The following ROBO1 variants were observed in gnomAD, a reference collection of about 807,000 sequenced individuals.
ROBO1 encodes roundabout homolog 1.
A neutral mutation model predicts 195.9 loss-of-function variants in ROBO1; 149 were observed. The ratio of observed to expected loss-of-function variants is 0.76; its 90% CI spans 0.67 to 0.87. ROBO1 has a LOEUF of 0.87. Ranked by LOEUF, ROBO1 falls within the 40% of genes least tolerant of loss-of-function variation. The pLI is 0.00. For synonymous variants in ROBO1, 816 were observed against 733.2 expected, an observed-to-expected ratio of 1.11 and a Z score of -1.82; for missense variants, 1,933 against 2,068.3, an observed-to-expected ratio of 0.93 and a Z score of 1.27.
chr3:79,682,253 T>A (rs1351547464), intron 1 of ROBO1, among the ~76,000 whole-genome samples: 1 of 151,988 alleles, frequency 6.6e-6, no homozygotes, highest in Non-Finnish European at 1.5e-5. Context: ...AGCTCAAAAT[T>A]TGGCATAATT....
At chr3:78,895,269 A>G (rs2037160930) in intron 4 of ROBO1, among the ~76,000 whole-genome samples, 1 of 152,194 alleles carries the variant, frequency 6.6e-6, no homozygotes, top group South Asian at 2.1e-4. Flanking sequence ...TTGGTCAAAG[A>G]ATAAATGCAG....
intron 2 of ROBO1, among the ~76,000 whole-genome samples, chr3:79,449,343 A>G (rs1259486336): frequency 1.3e-5 from 2 of 152,308 alleles, no homozygotes; most frequent in East Asian, 3.9e-4. Context: ...ATGAAATTGA[A>G]AAAAACACCA....
intron 27 of ROBO1, among the ~76,000 whole-genome samples, chr3:78,615,331 T>C (rs989229012): frequency 6.6e-6 from 1 of 152,198 alleles, no homozygotes; most frequent in Non-Finnish European, 1.5e-5. Flanking sequence ...GAAATTGATC[T>C]AGCTCACATA....
At chr3:79,279,377 GATTA>G (rs1275289031) in intron 2 of ROBO1, among the ~76,000 whole-genome samples, 9 of 152,122 alleles carry the variant, frequency 5.9e-5, no homozygotes, top group African/African-American at 1.2e-4. Flanking sequence ...GCCAACCAAT[GATTA>G]ATTAACATCA....
chr3:79,603,098 G>C (rs1944384993), intron 1 of ROBO1, among the ~76,000 whole-genome samples: 1 of 151,920 alleles, frequency 6.6e-6, no homozygotes, highest in Non-Finnish European at 1.5e-5. Flanking sequence ...GTCATATGTA[G>C]TTTAAGGCCT....
At chr3:78,887,080 T>C (rs2036613610) in intron 4 of ROBO1, among the ~76,000 whole-genome samples, 1 of 152,216 alleles carries the variant, frequency 6.6e-6, no homozygotes. Flanking sequence ...TTGACCACCT[T>C]ATTATGTCAA....
At chr3:79,325,026 AGAATAGTTGAGACT>A (rs1377178792) in intron 2 of ROBO1, among the ~76,000 whole-genome samples, 1 of 152,240 alleles carries the variant, frequency 6.6e-6, no homozygotes, top group African/African-American at 2.4e-5. Flanking sequence ...TTTTAGAGAC[AGAATAGTTGAGACT>A]GATTCTCCGA....
intron 4 of ROBO1, among the ~76,000 whole-genome samples, chr3:78,918,643 G>A (rs1188503608): frequency 6.6e-6 from 1 of 152,048 alleles, no homozygotes; most frequent in Admixed American, 6.6e-5. Context: ...ATAAAAGACT[G>A]GCTCAATTAG....
At chr3:79,183,131 ATTGCTTT>A (rs1304668008) in intron 2 of ROBO1, among the ~76,000 whole-genome samples, 1 of 151,604 alleles carries the variant, frequency 6.6e-6, no homozygotes, top group Non-Finnish European at 1.5e-5. Flanking sequence ...CTTACACACA[ATTGCTTT>A]TTGCTTTTTA....
chr3:79,689,236 T>A (rs1947229586), intron 1 of ROBO1, among the ~76,000 whole-genome samples: 1 of 152,020 alleles, frequency 6.6e-6, no homozygotes, highest in Admixed American at 6.6e-5. Context: ...TAAGTAATTT[T>A]AAAATTAACA....
chr3:78,839,964 A>C (rs1204771781), intron 4 of ROBO1, among the ~76,000 whole-genome samples: 1 of 152,236 alleles, frequency 6.6e-6, no homozygotes, highest in African/African-American at 2.4e-5. Context: ...CGTATTAACT[A>C]AATGATGAAT....
chr3:78,675,453 C>G (rs1166122701), intron 10 of ROBO1, among the ~76,000 whole-genome samples: 1 of 152,136 alleles, frequency 6.6e-6, no homozygotes, highest in African/African-American at 2.4e-5. Flanking sequence ...AAAATCGGGT[C>G]ACTCCCACCC....
intron 2 of ROBO1, among the ~76,000 whole-genome samples, chr3:79,143,126 G>A (rs545293697): frequency 6.6e-6 from 1 of 152,116 alleles, no homozygotes; most frequent in South Asian, 2.1e-4. Flanking sequence ...ACCTAAGAAT[G>A]TGTTCCTCTT....
In ROBO1 at chr3:79,534,014, G is replaced by T. The variant is rs527292732; in HGVS notation, c.88+55810C>A. 5.9e-5 allele frequency among the ~76,000 whole-genome samples: 9 copies of T among 152,038 alleles called. No individual in the cohort carries two copies. In the South Asian group the frequency reaches 6.2e-4, roughly 11 times the overall value. ...AGGTTAGTCCAGTGTGCTCACGAGG[G>T]TCCTTAAATGCAGAAGAGGAAAGCA... On this transcript the variant is annotated intron_variant, in intron 2 of 30. Transcript: ENST00000464233.
chr3:78,901,255 G>C lies in ROBO1; in HGVS notation c.499+37346C>G, dbSNP rs1460654208. On this transcript the variant is annotated intron_variant, in intron 4 of 30. Transcript: ENST00000464233. ...TTATGCCATGACAATCAAGAACACAGCAGATGCCACACCTGCAAATATTAG... is the reference window on the plus strand; with the variant it reads ...TTATGCCATGACAATCAAGAACACACCAGATGCCACACCTGCAAATATTAG... Among the ~76,000 whole-genome samples, 5 of 152,228 alleles carry C rather than the reference G, an allele frequency of 3.3e-5. No homozygotes were observed. In the East Asian group the frequency reaches 9.7e-4, roughly 29 times the overall value.
At chr3:79,174,527 A>T (rs1233246765) in intron 2 of ROBO1, among the ~76,000 whole-genome samples, 1 of 152,146 alleles carries the variant, frequency 6.6e-6, no homozygotes, top group Non-Finnish European at 1.5e-5. Flanking sequence ...CCAATTCCGG[A>T]CACATTACCT....
At chr3:79,637,956 T>C (rs1200072966) in intron 1 of ROBO1, among the ~76,000 whole-genome samples, 4 of 152,212 alleles carry the variant, frequency 2.6e-5, no homozygotes, top group African/African-American at 4.8e-5. Context: ...AAGTGAATGT[T>C]GAGTATTCTC....
chr3:79,760,331 A>T (rs1284995924), intron 1 of ROBO1, among the ~76,000 whole-genome samples: 1 of 148,306 alleles, frequency 6.7e-6, no homozygotes, highest in Admixed American at 6.7e-5. Context: ...CACCATAAAG[A>T]TTGGTTTCCC....
chr3:79,718,800 A>T (rs1434313130), intron 1 of ROBO1, among the ~76,000 whole-genome samples: 1 of 152,046 alleles, frequency 6.6e-6, no homozygotes, highest in Non-Finnish European at 1.5e-5. Context: ...AATAATGTTG[A>T]ATTTTGGAGA....
Sources: allele counts gnomAD v4.1 joint callset (sites outside exome capture counted in the v4.1 genomes callset), GRCh38; gene constraint gnomAD v4.1.1; transcripts MANE v1.5; gene names NCBI Gene and HGNC (gene_info 2026-07-23, HGNC 2026-07-21).